The following FRY variants were observed in gnomAD, a reference collection of about 807,000 sequenced individuals.
FRY encodes the protein protein furry homolog.
In FRY, 128 loss-of-function variants were observed where a neutral mutation model predicts 348.4. That is an observed-to-expected ratio of 0.37 (90% CI 0.32 to 0.43). FRY has a LOEUF of 0.43. Among genes scored for constraint, FRY ranks in the 20% least tolerant of loss-of-function variants. The pLI, the probability that FRY is intolerant of heterozygous loss-of-function variation, is 1.00. For synonymous variants in FRY, 1,370 were observed against 1,374.7 expected (o/e 1.00, Z 0.08); for missense variants, 2,736 against 3,695.2 (o/e 0.74, Z 6.73).
chr13:32,171,065 AG>A lies in FRY; in HGVS notation c.1949del (p.Gly650ValfsTer25), dbSNP rs1291142024. 1 of 1,611,560 alleles carries A rather than the reference AG, an allele frequency of 6.2e-7. No homozygotes were observed. The highest frequency in any genetic ancestry group is 1.1e-5 in the South Asian group (1 of 91,032). ...CGACATATTGCACAAAATTCTCTTC[AG>A]GGTTTACTTGTTGACTTCTCAGATT... ...ELRHIAQNSL[Q>X]GLLVDFSDWR... On this transcript the variant is annotated frameshift_variant, in exon 18 of 61. Coordinates refer to ENST00000542859, the MANE Select transcript of FRY (RefSeq NM_023037.3). LOFTEE classifies it high-confidence loss of function.
chr13:32,231,089 T>C (rs1413017665), intron 40 of FRY, 90 bp from the exon 41 acceptor site: 2 of 1,109,442 alleles, frequency 1.8e-6, no homozygotes, highest in African/African-American at 3.1e-5. Context: ...AATTTAAATA[T>C]GTTATATGTT....
intron 11 of FRY, among the ~76,000 whole-genome samples, chr13:32,137,688 G>A (rs1195889832): frequency 6.6e-6 from 1 of 152,168 alleles, no homozygotes; most frequent in Non-Finnish European, 1.5e-5. Context: ...TAACATAAGT[G>A]CAAATAGGAT....
At chr13:32,111,881 G>A (rs1450044774) in intron 3 of FRY, among the ~76,000 whole-genome samples, 1 of 152,196 alleles carries the variant, frequency 6.6e-6, no homozygotes, top group Non-Finnish European at 1.5e-5. Flanking sequence ...GCTTTGAAGT[G>A]AGCTGTTGCC....
intron 23 of FRY, among the ~76,000 whole-genome samples, chr13:32,180,385 C>T (rs1180081452): frequency 2.0e-5 from 3 of 152,172 alleles, no homozygotes; most frequent in African/African-American, 7.2e-5. Context: ...CAGACCCGCG[C>T]CACCACATCC....
intron 7 of FRY, among the ~76,000 whole-genome samples, chr13:32,131,210 C>T (rs1879339374): frequency 6.6e-6 from 1 of 152,202 alleles, no homozygotes; most frequent in Admixed American, 6.5e-5. Context: ...TTTAGAATTA[C>T]AAGAATACTT....
intron 3 of FRY, among the ~76,000 whole-genome samples, chr13:32,107,708 T>C (rs1877652714): frequency 6.6e-6 from 1 of 152,076 alleles, no homozygotes; most frequent in South Asian, 2.1e-4. Flanking sequence ...AACCGCAGAC[T>C]AGTAAGTAAG....
chr13:32,257,049 C>G (rs567608426), intron 51 of FRY, among the ~76,000 whole-genome samples: 13 of 152,254 alleles, frequency 8.5e-5, no homozygotes, highest in African/African-American at 2.6e-4. Flanking sequence ...AAACAAATTT[C>G]ATGTTTAGAC....
rs1435090176 is a variant in FRY, at chr13:32,228,585, T to G, written c.5336T>G (p.Val1779Gly). The change falls in exon 40 of 61, where the codon GTA (valine) becomes GGA (glycine). Residue 1779 changes from valine to glycine, a missense_variant. Around this residue, in one of 9 missense-constraint regions of FRY, gnomAD observed 794 missense variants for 977.0 expected, o/e 0.81. Transcript: ENST00000542859. ...AACCTCCCACAGATGACCCAGGAGG[T>G]AGAAGATGTGGACACAGCTGCTGAA... ...SGNLPQMTQEVEDVDTAAETD... is the reference protein window; with the variant it reads ...SGNLPQMTQEGEDVDTAAETD... 1.2e-6 allele frequency: 2 copies of G among 1,614,004 alleles called. No homozygotes were observed. The highest frequency in any genetic ancestry group is 1.7e-6 in the Non-Finnish European group (2 of 1,179,954).
At chr13:32,246,262 A>G (rs1375558795) in intron 47 of FRY, among the ~76,000 whole-genome samples, 2 of 150,768 alleles carry the variant, frequency 1.3e-5, no homozygotes, top group Non-Finnish European at 3.0e-5. Context: ...ATGTGCTTTG[A>G]CTGCAAAGTC....
rs1882584106 is a variant in FRY at position 32,179,669 on chromosome 13, T to C, written c.2872-6T>C. On this transcript the variant is annotated splice_region_variant and splice_polypyrimidine_tract_variant and intron_variant, in intron 22 of 60. Transcript: ENST00000542859. ...CTCTTTTTCACTTGTATTCAACTTA[T>C]TTCAGGCCATAGGCACCCCATCGGT... 3 of 1,614,028 alleles carry C rather than the reference T, an allele frequency of 1.9e-6. No individual in the cohort carries two copies. Among genetic ancestry groups the C allele is most frequent in the Non-Finnish European group, 2.5e-6 (3 of 1,179,924 alleles).
At chr13:32,161,307 GA>G (rs200483563) in intron 17 of FRY, 56 bp downstream of exon 17, 82 of 988,168 alleles carry the variant, frequency 8.3e-5, no homozygotes, top group Non-Finnish European at 1.1e-4. Context: ...TGTGACTCCT[GA>G]AAAAAAAATA....
At chr13:32,072,664 G>A (rs1290010317) in intron 1 of FRY, among the ~76,000 whole-genome samples, 1 of 151,924 alleles carries the variant, frequency 6.6e-6, no homozygotes, top group Non-Finnish European at 1.5e-5. Flanking sequence ...TGACATGTTC[G>A]CAAAGAAGCT....
At chr13:32,079,165 T>A in intron 2 of FRY, 132 bp downstream of exon 2, 1 of 759,358 alleles carries the variant, frequency 1.3e-6, no homozygotes, top group Non-Finnish European at 2.3e-6. Flanking sequence ...TCATAGGTAA[T>A]GTTTTAAAGA....
At chr13:32,218,866 A>G in intron 36 of FRY, 35 bp downstream of exon 36, 1 of 1,196,320 alleles carries the variant, frequency 8.4e-7, no homozygotes, top group Non-Finnish European at 1.3e-6. Flanking sequence ...TTCAGACGGA[A>G]CGCAAGTGGT....
At chr13:32,081,063 T>C (rs182452738) in intron 2 of FRY, among the ~76,000 whole-genome samples, 1 of 152,360 alleles carries the variant, frequency 6.6e-6, no homozygotes, top group Non-Finnish European at 1.5e-5. Context: ...GCGTGGAGTT[T>C]GTTTTTTCTT....
intron 2 of FRY, among the ~76,000 whole-genome samples, chr13:32,085,162 A>C (rs959238529): frequency 6.6e-6 from 1 of 152,116 alleles, no homozygotes; most frequent in African/African-American, 2.4e-5. Flanking sequence ...TCAGCCTCCT[A>C]CTTTCAGGCA....
intron 24 of FRY, among the ~76,000 whole-genome samples, chr13:32,183,999 G>A (rs1014506812): frequency 6.6e-6 from 1 of 151,722 alleles, no homozygotes; most frequent in East Asian, 2.0e-4. Context: ...GCCGGGTGTG[G>A]TGGTGCATGC....
chr13:32,211,113 A>C, intron 34 of FRY, 79 bp downstream of exon 34: 1 of 1,322,626 alleles, frequency 7.6e-7, no homozygotes, highest in Non-Finnish European at 1.1e-6. Context: ...AGGATATGAG[A>C]ATGTGTTTGT....
At chr13:32,080,891 G>C (rs1355546663) in intron 2 of FRY, among the ~76,000 whole-genome samples, 2 of 152,310 alleles carry the variant, frequency 1.3e-5, no homozygotes, top group East Asian at 3.9e-4. Flanking sequence ...GAGGAGCTGT[G>C]AAGTTGTACA....
Sources: allele counts gnomAD v4.1 joint callset (sites outside exome capture counted in the v4.1 genomes callset), GRCh38; gene constraint gnomAD v4.1.1; regional missense constraint gnomAD v4.1.1; transcripts MANE v1.5; gene names NCBI Gene and HGNC (gene_info 2026-07-23, HGNC 2026-07-21).